The following NARS2 variants were observed in gnomAD, a reference collection of about 807,000 sequenced individuals.
NARS2 encodes asparaginyl-tRNA synthetase 2, mitochondrial, also known as asparaginyl-tRNA synthetase.
A neutral mutation model predicts 62.9 loss-of-function variants in NARS2; 60 were observed. That is an observed-to-expected ratio of 0.95 (90% CI 0.77 to 1.18). The LOEUF (loss-of-function observed/expected upper bound fraction) is 1.18. NARS2 is among the 50% of genes most tolerant of loss of function. NARS2 has a pLI of 0.00. For missense variants in NARS2, 619 were observed against 576.4 expected, an observed-to-expected ratio of 1.07 and a Z score of -0.76; for synonymous variants, 196 against 200.0, an observed-to-expected ratio of 0.98 and a Z score of 0.17.
At chr11:78,457,506 T>C (rs1010714753) in intron 11 of NARS2, among the ~76,000 whole-genome samples, 3 of 152,180 alleles carry the variant, frequency 2.0e-5, no homozygotes, top group Non-Finnish European at 4.4e-5. Context: ...TACAAATGGA[T>C]TGAAAAGAAA....
intron 9 of NARS2, among the ~76,000 whole-genome samples, chr11:78,476,083 T>C (rs1372341407): frequency 3.3e-5 from 5 of 152,216 alleles, no homozygotes; most frequent in African/African-American, 1.2e-4. Flanking sequence ...GGGTGGATGC[T>C]GAGGCTAGGT....
chr11:78,456,684 T>C (rs1204586672), intron 11 of NARS2, among the ~76,000 whole-genome samples: 5 of 152,216 alleles, frequency 3.3e-5, no homozygotes, highest in Non-Finnish European at 5.9e-5. Flanking sequence ...ATTAGAACAC[T>C]ACCTGGTGAT....
At chr11:78,488,424 A>G (rs868428064) in intron 7 of NARS2, among the ~76,000 whole-genome samples, 1 of 152,278 alleles carries the variant, frequency 6.6e-6, no homozygotes, top group Middle Eastern at 3.4e-3. Flanking sequence ...TGTGAGCCAA[A>G]GAATGCAGGC....
At chr11:78,473,493 G>A (rs1034966123) in intron 9 of NARS2, among the ~76,000 whole-genome samples, 13 of 152,158 alleles carry the variant, frequency 8.5e-5, no homozygotes, top group Admixed American at 6.5e-4. Flanking sequence ...TGCCACTTGG[G>A]TTGAGGGTAC....
chr11:78,442,444 A>G (rs1857603543), intron 12 of NARS2, among the ~76,000 whole-genome samples: 1 of 152,198 alleles, frequency 6.6e-6, no homozygotes, highest in Non-Finnish European at 1.5e-5. Flanking sequence ...TACCCAGGAG[A>G]TTTACATATA....
At chr11:78,519,610 T>C (rs1014433242) in intron 6 of NARS2, among the ~76,000 whole-genome samples, 10 of 152,222 alleles carry the variant, frequency 6.6e-5, no homozygotes, top group East Asian at 3.9e-4. Context: ...TCAATCTTAA[T>C]AGCTGTACAG....
intron 1 of NARS2, 57 bp from the exon 2 acceptor site, chr11:78,571,501 CAT>C: frequency 8.7e-7 from 1 of 1,154,380 alleles, no homozygotes; most frequent in South Asian, 1.3e-5. Context: ...TTTCATTACA[CAT>C]ACACACACAG....
Position 78,566,073 on chromosome 11 carries a change from G to A in NARS2, c.513+59C>T, listed in dbSNP as rs375957307. On this transcript the variant is annotated intron_variant, in intron 4 of 13. Transcript: ENST00000281038. ...AACATCAGGAGAAAAAGACACAACT[G>A]TTTTTAAACAGTTATTAAAACTGTT... 2.4e-5 allele frequency: 34 copies of A among 1,394,806 alleles called. No homozygotes were observed. In the African/African-American group the frequency reaches 4.4e-4, roughly 18 times the overall value. 86.4% of individuals were successfully genotyped at this position (1,394,806 alleles called of 1,614,324 possible).
intron 5 of NARS2, among the ~76,000 whole-genome samples, chr11:78,539,913 C>T (rs1277583725): frequency 6.6e-6 from 1 of 152,112 alleles, no homozygotes; most frequent in Non-Finnish European, 1.5e-5. Context: ...CAAAGTCATT[C>T]CTTTTATCTA....
intron 11 of NARS2, among the ~76,000 whole-genome samples, chr11:78,463,234 A>AT (rs972764207): frequency 3.3e-5 from 5 of 151,854 alleles, no homozygotes; most frequent in Admixed American, 1.3e-4. Flanking sequence ...TGGCTAATTT[A>AT]TTTTTTGTTG....
intron 11 of NARS2, among the ~76,000 whole-genome samples, chr11:78,455,076 T>C (rs935612423): frequency 1.3e-5 from 2 of 152,236 alleles, no homozygotes; most frequent in African/African-American, 2.4e-5. Flanking sequence ...AATTATCTTA[T>C]GTGTCTTTAA....
At chr11:78,526,068 A>C (rs1321678547) in intron 6 of NARS2, among the ~76,000 whole-genome samples, 1 of 152,166 alleles carries the variant, frequency 6.6e-6, no homozygotes, top group Non-Finnish European at 1.5e-5. Context: ...AAAAAGAATA[A>C]GGGTATTGAT....
At chr11:78,502,986 T>C (rs1860339897) in intron 6 of NARS2, among the ~76,000 whole-genome samples, 1 of 58,762 alleles carries the variant, frequency 1.7e-5, no homozygotes, top group African/African-American at 1.4e-4. Context: ...AGAGTGAGAC[T>C]GTCTCAAAAA....
intron 11 of NARS2, among the ~76,000 whole-genome samples, chr11:78,449,802 C>A (rs1170327006): frequency 1.3e-5 from 2 of 152,166 alleles, no homozygotes; most frequent in African/African-American, 4.8e-5. Flanking sequence ...CAACCAAAAA[C>A]ATTTCCAGAC....
At chr11:78,480,195 T>C (rs1859286318) in intron 7 of NARS2, among the ~76,000 whole-genome samples, 1 of 152,174 alleles carries the variant, frequency 6.6e-6, no homozygotes, top group African/African-American at 2.4e-5. Flanking sequence ...CCACTGCACC[T>C]GGCCTAGTGG....
intron 11 of NARS2, among the ~76,000 whole-genome samples, chr11:78,458,207 C>T (rs377055885): frequency 6.6e-6 from 1 of 152,130 alleles, no homozygotes; most frequent in African/African-American, 2.4e-5. Flanking sequence ...TATATACATA[C>T]ACCAAAATAC....
intron 5 of NARS2, among the ~76,000 whole-genome samples, chr11:78,546,297 C>A (rs1024021406): frequency 2.0e-5 from 3 of 152,200 alleles, no homozygotes; most frequent in African/African-American, 7.2e-5. Flanking sequence ...GTACCTCTTA[C>A]ACAGATGCTG....
intron 6 of NARS2, among the ~76,000 whole-genome samples, chr11:78,506,320 C>T (rs1860496156): frequency 6.6e-6 from 1 of 152,186 alleles, no homozygotes; most frequent in Non-Finnish European, 1.5e-5. Context: ...AACTTAATTC[C>T]TAGTTATTTA....
intron 9 of NARS2, 42 bp downstream of exon 9, chr11:78,478,384 TGTGATAAATACA>T: frequency 1.3e-6 from 1 of 763,094 alleles, no homozygotes; most frequent in Non-Finnish European, 1.9e-6. Flanking sequence ...TATAATATAG[TGTGATAAATACA>T]GTGATAATGA....
Sources: allele counts gnomAD v4.1 joint callset (sites outside exome capture counted in the v4.1 genomes callset), GRCh38; gene constraint gnomAD v4.1.1; transcripts MANE v1.5; gene names NCBI Gene and HGNC (gene_info 2026-07-23, HGNC 2026-07-21).